KCNMA1: variants seen among roughly 807,000 people sequenced by gnomAD.
KCNMA1 encodes the protein Calcium-activated potassium channel subunit alpha-1.
Under a neutral mutation model 140.0 loss-of-function variants are expected in KCNMA1, and 29 were observed. The observed-to-expected ratio is 0.21, with a 90% confidence interval of 0.15 to 0.28. KCNMA1 has a LOEUF of 0.28. KCNMA1 is among the 10% of genes least tolerant of loss of function. The pLI is 1.00. For missense variants in KCNMA1, 880 were observed against 1,602.2 expected, an observed-to-expected ratio of 0.55 and a Z score of 7.70; for synonymous variants, 612 against 611.9, an observed-to-expected ratio of 1.00 and a Z score of 0.00.
chr10:77,528,945 G>A (rs2056783511), intron 1 of KCNMA1, among the ~76,000 whole-genome samples: 4 of 152,110 alleles, frequency 2.6e-5, no homozygotes, highest in Admixed American at 2.0e-4. Flanking sequence ...AGGAGAGAAC[G>A]GCAGTGACTC....
At chr10:77,109,074 C>T (rs999290245) in intron 8 of KCNMA1, among the ~76,000 whole-genome samples, 1 of 147,008 alleles carries the variant, frequency 6.8e-6, no homozygotes, top group Non-Finnish European at 1.5e-5. Context: ...AAAAAAAACA[C>T]TGAAAAGCTC....
intron 20 of KCNMA1, among the ~76,000 whole-genome samples, chr10:76,955,777 T>C (rs1776836790): frequency 1.3e-5 from 2 of 152,188 alleles, no homozygotes; most frequent in African/African-American, 4.8e-5. Flanking sequence ...AGATATCTAT[T>C]AATATTATCT....
chr10:77,007,699 A>G (rs1261017117), intron 18 of KCNMA1, among the ~76,000 whole-genome samples: 1 of 136,648 alleles, frequency 7.3e-6, no homozygotes, highest in African/African-American at 2.7e-5. Context: ...GGGAATATAT[A>G]TGTGGCATAT....
At chr10:77,577,161 C>T (rs182340156) in intron 1 of KCNMA1, among the ~76,000 whole-genome samples, 140 of 152,134 alleles carry the variant, frequency 9.2e-4, no homozygotes, top group Non-Finnish European at 1.2e-3. Flanking sequence ...AATTCTCTGC[C>T]TCAGCCTCCC....
intron 2 of KCNMA1, among the ~76,000 whole-genome samples, chr10:77,353,174 G>C (rs1051327285): frequency 1.3e-4 from 20 of 152,138 alleles, no homozygotes; most frequent in African/African-American, 2.4e-4. Flanking sequence ...GGGGAAGAGA[G>C]GATGTGGAAC....
Position 77,553,418 on chromosome 10 carries a change from G to A in KCNMA1, c.378+83847C>T, listed in dbSNP as rs149716946. Among the ~76,000 whole-genome samples the A allele has an allele frequency of 3.9e-5, 6 of 152,266 alleles. No individual in the cohort carries two copies. The East Asian group carries it at 5.8e-4, about 15-fold the overall frequency. On this transcript the variant is annotated intron_variant, in intron 1 of 27. Transcript: ENST00000286628. The stretch of plus-strand genomic sequence containing the variant: ...GCTGAGAAGGCAGGAACCAGGCGCC[G>A]TTGACACTCCTCTAGTGAGATGAAT...
downstream of KCNMA1, chr10:76,875,999 C>G (rs376853266): frequency 1.4e-4 from 22 of 152,648 alleles, no homozygotes; most frequent in African/African-American, 5.1e-4. Context: ...AGAGTAACCA[C>G]AGTCCGACAA....
chr10:77,103,591 T>A (rs536335075), intron 9 of KCNMA1, among the ~76,000 whole-genome samples: 2 of 152,314 alleles, frequency 1.3e-5, no homozygotes, highest in East Asian at 3.9e-4. Context: ...TGGAACTACC[T>A]TTAAAGGATG....
At position 77,624,832 on chromosome 10, in the gene KCNMA1, G is replaced by A. The variant is rs138505613; in HGVS notation, c.378+12433C>T. ...AACCAGACCCCACAGGCAGAAAGAG[G>A]GTTGTTCTCTTCATTTGTCTGCTCT... On this transcript the variant is annotated intron_variant, in intron 1 of 27. Transcript: ENST00000286628. Among the ~76,000 whole-genome samples, 1,291 of 152,008 alleles carry A rather than the reference G, an allele frequency of 8.5e-3. 8 individuals carry two copies. The highest frequency in any genetic ancestry group is 0.02 in the Middle Eastern group (6 of 294).
At chr10:77,007,496 A>G (rs542726723) in intron 18 of KCNMA1, among the ~76,000 whole-genome samples, 5 of 151,970 alleles carry the variant, frequency 3.3e-5, no homozygotes, top group Non-Finnish European at 5.9e-5. Context: ...TGAGTAACCA[A>G]TTAATTATCT....
rs974972197 is a variant in KCNMA1, at chr10:77,637,457, G to C, written c.186C>G (p.His62Gln). Reference sequence around the variant, plus strand: ...TGATGAGCGCATCCATCTTGGGCTCGTGGACCGAGGACGAGGAGGAAGAGG... The same window carrying C: ...TGATGAGCGCATCCATCTTGGGCTCCTGGACCGAGGACGAGGAGGAAGAGG... The part of the protein sequence containing the change: ...SSSSSSSSSV[H>Q]EPKMDALIIP... Residue 62 changes from histidine (H) to glutamine (Q), a missense_variant, in exon 1 of 28, where the codon CAC becomes CAG. Physicochemically the swap from His to Gln is conservative, Grantham distance 24 (BLOSUM62 0). Around this residue, in one of 13 missense-constraint regions of KCNMA1, gnomAD observed 94 missense variants for 92.4 expected, o/e 1.02. Transcript: ENST00000286628. 7 of 1,612,738 alleles carry C rather than the reference G, an allele frequency of 4.3e-6. No homozygotes were observed. The highest frequency in any genetic ancestry group is 5.9e-6 in the Non-Finnish European group (7 of 1,179,390).
At chr10:77,138,789 T>C (rs1163514179) in intron 5 of KCNMA1, among the ~76,000 whole-genome samples, 1 of 152,160 alleles carries the variant, frequency 6.6e-6, no homozygotes, top group Non-Finnish European at 1.5e-5. Flanking sequence ...TCCAGAAACA[T>C]TTCCCAGTTC....
At chr10:77,192,542 G>T (rs528300243) in intron 3 of KCNMA1, among the ~76,000 whole-genome samples, 1 of 152,138 alleles carries the variant, frequency 6.6e-6, no homozygotes, top group African/African-American at 2.4e-5. Flanking sequence ...AGGATCTTAA[G>T]CAAATAATTT....
At chr10:77,426,992 T>A (rs1374236886) in intron 1 of KCNMA1, among the ~76,000 whole-genome samples, 3 of 152,238 alleles carry the variant, frequency 2.0e-5, no homozygotes, top group East Asian at 1.9e-4. Flanking sequence ...TACTTTGATA[T>A]CCTGTATTTT....
At chr10:76,939,383 G>A (rs935024224) in intron 23 of KCNMA1, 2 of 152,100 alleles carry the variant, frequency 1.3e-5, no homozygotes, top group East Asian at 1.9e-4. Context: ...GCCTCCCAGA[G>A]TGCTGGGATT....
chr10:77,228,900 T>C lies in KCNMA1; in HGVS notation c.602+22295A>G, dbSNP rs954206239. On this transcript the variant is annotated intron_variant, in intron 3 of 27. Coordinates refer to ENST00000286628, the MANE Select transcript of KCNMA1 (RefSeq NM_001161352.2). ...GCACTCACTACGTGAAAACCTACTT[T>C]GCTTGGGACCAAGAAAAGAATAATT... is the stretch of plus-strand genomic sequence containing the variant. Among the ~76,000 whole-genome samples, 4 of 152,346 alleles carry C rather than the reference T, an allele frequency of 2.6e-5. No individual in the cohort carries two copies. In the East Asian group the frequency reaches 7.7e-4, roughly 29 times the overall value.
At chr10:77,383,082 A>G (rs890369232) in intron 2 of KCNMA1, among the ~76,000 whole-genome samples, 2 of 146,872 alleles carry the variant, frequency 1.4e-5, no homozygotes, top group African/African-American at 5.1e-5. Flanking sequence ...ACTCCCATAC[A>G]TTAATTTTCT....
chr10:77,346,078 T>G (rs2092074624), intron 2 of KCNMA1, among the ~76,000 whole-genome samples: 1 of 152,214 alleles, frequency 6.6e-6, no homozygotes, highest in Non-Finnish European at 1.5e-5. Flanking sequence ...TAAACGTTGC[T>G]TTAATTGAAC....
At chr10:77,184,259 G>A (rs1425274530) in intron 4 of KCNMA1, among the ~76,000 whole-genome samples, 1 of 152,066 alleles carries the variant, frequency 6.6e-6, no homozygotes, top group Non-Finnish European at 1.5e-5. Context: ...TTACTCTGTT[G>A]CCCAGGCTGG....
Sources: allele counts gnomAD v4.1 joint callset (sites outside exome capture counted in the v4.1 genomes callset), GRCh38; gene constraint gnomAD v4.1.1; regional missense constraint gnomAD v4.1.1; transcripts MANE v1.5; gene names NCBI Gene and HGNC (gene_info 2026-07-23, HGNC 2026-07-21).